Variants in APOOL observed in about 807,000 individuals in gnomAD.
APOOL encodes MICOS complex subunit MIC27.
APOOL carries 12 observed loss-of-function variants against 23.1 expected under a neutral mutation model. That is an observed-to-expected ratio of 0.52 (90% CI 0.33 to 0.84). The LOEUF (loss-of-function observed/expected upper bound fraction) is 0.84, where lower values mean the gene tolerates loss of function less well. Among genes scored for constraint, APOOL ranks in the 40% least tolerant of loss-of-function variants. The pLI, the probability that APOOL is intolerant of heterozygous loss-of-function variation, is 0.02. For missense variants in APOOL, 212 were observed against 199.6 expected, an observed-to-expected ratio of 1.06 and a Z score of -0.37; for synonymous variants, 77 against 69.9, an observed-to-expected ratio of 1.10 and a Z score of -0.51.
At chrX:85,013,880 T>A (rs2147472726) in intron 1 of APOOL, among the ~76,000 whole-genome samples, 1 of 111,861 alleles carries the variant, frequency 8.9e-6, no homozygotes, top group South Asian at 3.7e-4. Context: ...GTTGACTTTC[T>A]GTCTTGATGA....
intron 1 of APOOL, chrX:85,046,233 A>T (rs2147644192): frequency 3.1e-6 from 1 of 321,230 alleles, no homozygotes; most frequent in African/African-American, 2.7e-5. Context: ...GAAGTAGTTA[A>T]CAAACAGGTA....
intron 1 of APOOL, among the ~76,000 whole-genome samples, chrX:85,031,808 G>A (rs1445396252): frequency 8.9e-6 from 1 of 112,177 alleles, no homozygotes; most frequent in Non-Finnish European, 1.9e-5. Context: ...AGAACAAACA[G>A]TATTTTAGAA....
intron 1 of APOOL, among the ~76,000 whole-genome samples, chrX:85,032,304 C>T (rs182152038): frequency 1.8e-5 from 2 of 111,089 alleles, no homozygotes; most frequent in East Asian, 2.8e-4. Flanking sequence ...CAACTGAGGT[C>T]GGGAGTTCAA....
Position 85,039,452 on chromosome X carries a change from C to A in APOOL, c.16-6994C>A, listed in dbSNP as rs528167515. Among the ~76,000 whole-genome samples, 11 of 110,624 alleles carry A rather than the reference C, an allele frequency of 9.9e-5. 1 individual carries two copies. In the South Asian group the frequency reaches 4.2e-3, roughly 43 times the overall value. On this transcript the variant is annotated intron_variant, in intron 1 of 8. Coordinates refer to ENST00000373173, the MANE Select transcript of APOOL (RefSeq NM_198450.6). ...ATATGGTCATGTGTCAAGTTCAGGT[C>A]CTGGTATCTTTGTTAGTTTTCTGTG... is the stretch of plus-strand genomic sequence containing the variant.
Position 85,019,625 on chromosome X carries a change from G to A in APOOL, c.15+15698G>A, listed in dbSNP as rs777628725. ...TGAGGATCTGTGGTTAGGTGTGCACGGAACTGCTGTGGCATTTGGGGACTG... is the reference window on the plus strand; with the variant it reads ...TGAGGATCTGTGGTTAGGTGTGCACAGAACTGCTGTGGCATTTGGGGACTG... On this transcript the variant is annotated intron_variant, in intron 1 of 8. Coordinates refer to ENST00000373173, the MANE Select transcript of APOOL (RefSeq NM_198450.6). Among the ~76,000 whole-genome samples the A allele has an allele frequency of 6.2e-5, 7 of 112,140 alleles. No homozygotes were observed. In the South Asian group the frequency reaches 1.5e-3, roughly 24 times the overall value.
At position 85,088,127 on chromosome X, in the gene APOOL, TACATATTTATACATATATGTATAAATAC is replaced by T. The variant is rs1479685308; in HGVS notation, c.*451_*478del. The T allele has an allele frequency of 2.8e-5, 1 of 35,508 alleles. No individual in the cohort carries two copies. Among genetic ancestry groups the T allele is most frequent in the African/African-American group, 1.7e-4 (1 of 5,825 alleles). 2.9% of individuals were successfully genotyped at this position (35,508 alleles called of 1,213,427 possible). On this transcript the variant is annotated 3_prime_UTR_variant, in exon 9 of 9. Transcript: ENST00000373173. Reference sequence around the variant, plus strand: ...ATTTATACATATATGTATAAATACATACATATTTATACATATATGTATAAATACATACATATTTATACATATATGTATA... The same window carrying T: ...ATTTATACATATATGTATAAATACATATACATATTTATACATATATGTATA...
chrX:85,026,991 T>G (rs1395766135), intron 1 of APOOL, among the ~76,000 whole-genome samples: 1 of 111,983 alleles, frequency 8.9e-6, no homozygotes, highest in Non-Finnish European at 1.9e-5. Context: ...GATACCAATT[T>G]TCTGTGTTAG....
At chrX:85,084,650 C>T (rs1367116213) in intron 8 of APOOL, among the ~76,000 whole-genome samples, 2 of 110,805 alleles carry the variant, frequency 1.8e-5, no homozygotes, top group African/African-American at 3.3e-5. Context: ...ATACATATTA[C>T]TCTTGCTAAT....
At chrX:85,044,648 A>T (rs1324144945) in intron 1 of APOOL, among the ~76,000 whole-genome samples, 6 of 111,429 alleles carry the variant, frequency 5.4e-5, no homozygotes, top group Non-Finnish European at 9.4e-5. Flanking sequence ...ATCTATGAAG[A>T]CAGTAGGAAA....
intron 5 of APOOL, among the ~76,000 whole-genome samples, chrX:85,064,801 G>C (rs1158593932): frequency 4.5e-5 from 5 of 111,641 alleles, no homozygotes; most frequent in African/African-American, 1.6e-4. Context: ...CCAATTATGT[G>C]ATCAATTTTA....
At chrX:85,040,245 T>C (rs1248705795) in intron 1 of APOOL, among the ~76,000 whole-genome samples, 1 of 112,320 alleles carries the variant, frequency 8.9e-6, no homozygotes, top group East Asian at 2.8e-4. Context: ...TTCTGGCTTA[T>C]AGCATTTCTG....
At chrX:85,029,995 T>C (rs962826112) in intron 1 of APOOL, among the ~76,000 whole-genome samples, 1 of 111,889 alleles carries the variant, frequency 8.9e-6, no homozygotes, top group Non-Finnish European at 1.9e-5. Context: ...GATCCAGCAG[T>C]CCCACTACTG....
intron 1 of APOOL, among the ~76,000 whole-genome samples, chrX:85,033,250 G>A (rs1156628912): frequency 8.9e-6 from 1 of 112,118 alleles, no homozygotes; most frequent in Non-Finnish European, 1.9e-5. Flanking sequence ...CTGGTGCATA[G>A]TAGGCGTTCA....
At chrX:85,046,375 C>T in intron 1 of APOOL, 71 bp from the exon 2 acceptor site, 1 of 847,841 alleles carries the variant, frequency 1.2e-6, no homozygotes, top group Admixed American at 3.3e-5. Context: ...GAGATTCCTC[C>T]AGTATTTATT....
chrX:85,010,454 C>T (rs1450067764), intron 1 of APOOL, among the ~76,000 whole-genome samples: 1 of 111,444 alleles, frequency 9.0e-6, no homozygotes, highest in African/African-American at 3.3e-5. Flanking sequence ...CACCTGTCAC[C>T]TGAGCAGTTT....
chrX:85,064,758 G>GT (rs1034759118), intron 5 of APOOL, among the ~76,000 whole-genome samples: 1 of 111,541 alleles, frequency 9.0e-6, no homozygotes, highest in African/African-American at 3.3e-5. Context: ...TATGATTTCA[G>GT]TTTTTTTACA....
intron 1 of APOOL, among the ~76,000 whole-genome samples, chrX:85,004,540 A>G (rs1279439376): frequency 1.8e-5 from 2 of 112,192 alleles, no homozygotes; most frequent in Non-Finnish European, 3.8e-5. Context: ...AGTAGTGTTT[A>G]ATAATGGTAG....
At position 85,046,514 on chromosome X, in the gene APOOL, A is replaced by G. The variant is rs1168916764; in HGVS notation, c.84A>G (p.Gln28=). The G allele has an allele frequency of 2.5e-6, 3 of 1,209,798 alleles. No homozygotes were observed. The African/African-American group carries it at 5.2e-5, about 21-fold the overall frequency. ...YASVSVHAAK[Q]EESKKQLVKP... ...CTGTAAGTGTACATGCAGCCAAACA[A>G]GAGGAATCCAAAAAGCAGCTAGTGA... Residue 28 remains glutamine, a synonymous_variant, in exon 2 of 9, where the codon CAA becomes CAG. Coordinates refer to ENST00000373173, the MANE Select transcript of APOOL (RefSeq NM_198450.6).
intron 1 of APOOL, among the ~76,000 whole-genome samples, chrX:85,033,256 G>A (rs1922105159): frequency 8.9e-6 from 1 of 111,966 alleles, no homozygotes; most frequent in African/African-American, 3.2e-5. Context: ...CATAGTAGGC[G>A]TTCAGCAAAT....
Sources: allele counts gnomAD v4.1 joint callset (sites outside exome capture counted in the v4.1 genomes callset), GRCh38; gene constraint gnomAD v4.1.1; transcripts MANE v1.5; gene names NCBI Gene and HGNC (gene_info 2026-07-23, HGNC 2026-07-21).